Variants in TSHZ2 observed in about 807,000 individuals in gnomAD.
TSHZ2 encodes teashirt homolog 2.
In TSHZ2, 21 loss-of-function variants were observed where a neutral mutation model predicts 74.4. The observed-to-expected ratio is 0.28, with a 90% CI of 0.20 to 0.41. The LOEUF (loss-of-function observed/expected upper bound fraction) is 0.41, where lower values mean the gene tolerates loss of function less well. TSHZ2 is among the 10% of genes least tolerant of loss of function. The pLI is 1.00. For missense variants in TSHZ2, 1,244 were observed against 1,293.5 expected, an observed-to-expected ratio of 0.96 and a Z score of 0.59; for synonymous variants, 540 against 515.3, an observed-to-expected ratio of 1.05 and a Z score of -0.65.
chr20:53,050,103 G>GTATATATATATATATATATATATA (rs71897861), intron 1 of TSHZ2, among the ~76,000 whole-genome samples: 57 of 115,968 alleles, frequency 4.9e-4, no homozygotes, highest in African/African-American at 1.5e-3. Context: ...GTATATGTGT[G>GTATATATATATATATATATATATA]TATATATATA....
In TSHZ2 at chr20:53,488,578, C is replaced by A; in HGVS notation, c.*1443C>A. 1 of 172,868 alleles carries A rather than the reference C, an allele frequency of 5.8e-6. No homozygotes were observed. The highest frequency in any genetic ancestry group is 1.2e-5 in the Non-Finnish European group (1 of 81,050). 10.7% of individuals were successfully genotyped at this position (172,868 alleles called of 1,614,324 possible). A position where few individuals can be genotyped will look rare whatever the true frequency, so the allele number is the denominator to read the frequency against. On this transcript the variant is annotated 3_prime_UTR_variant, in exon 3 of 3. Transcript: ENST00000371497. Reference sequence around the variant, plus strand: ...TTTCCTTATTCTCAAAGGACAAATACGTCTGGATTATGTGGTAAATTGCTA... The same window carrying A: ...TTTCCTTATTCTCAAAGGACAAATAAGTCTGGATTATGTGGTAAATTGCTA...
At chr20:53,171,754 CATTT>C (rs1257300658) in intron 1 of TSHZ2, among the ~76,000 whole-genome samples, 2 of 151,958 alleles carry the variant, frequency 1.3e-5, no homozygotes, top group Admixed American at 6.5e-5. Flanking sequence ...ATGTTTTTCT[CATTT>C]ATTTTCTGGT....
chr20:53,270,756 C>T (rs749225188), intron 2 of TSHZ2, among the ~76,000 whole-genome samples: 1 of 152,104 alleles, frequency 6.6e-6, no homozygotes, highest in Non-Finnish European at 1.5e-5. Context: ...ATTGACACTT[C>T]AAATGTGCAT....
intron 1 of TSHZ2, among the ~76,000 whole-genome samples, chr20:53,215,038 G>A (rs1989402590): frequency 6.6e-6 from 1 of 152,194 alleles, no homozygotes; most frequent in African/African-American, 2.4e-5. Context: ...GCACACCAGT[G>A]GGCGGGACCC....
At chr20:53,022,787 T>C (rs570791518) in intron 1 of TSHZ2, among the ~76,000 whole-genome samples, 8 of 152,318 alleles carry the variant, frequency 5.3e-5, no homozygotes, top group South Asian at 2.1e-4. Flanking sequence ...ACAGAACATA[T>C]GTGGTTGACT....
intron 2 of TSHZ2, among the ~76,000 whole-genome samples, chr20:53,391,177 T>C (rs894652524): frequency 1.3e-5 from 2 of 151,740 alleles, no homozygotes; most frequent in Non-Finnish European, 1.5e-5. Context: ...GACAGAGTCT[T>C]GCTCTGTCGC....
intron 2 of TSHZ2, chr20:53,397,592 G>A: frequency 6.6e-6 from 1 of 152,172 alleles, no homozygotes; most frequent in Non-Finnish European, 1.5e-5. Context: ...TCTAGAACTA[G>A]AAATACCATT....
At chr20:53,072,977 C>T (rs1985226563) in intron 1 of TSHZ2, among the ~76,000 whole-genome samples, 1 of 151,044 alleles carries the variant, frequency 6.6e-6, no homozygotes, top group African/African-American at 2.4e-5. Flanking sequence ...ATCCCTCCAT[C>T]CATCCCTCCC....
intron 1 of TSHZ2, among the ~76,000 whole-genome samples, chr20:53,038,879 T>G (rs201748377): frequency 1.0e-5 from 1 of 95,766 alleles, no homozygotes; most frequent in African/African-American, 4.9e-5. Context: ...TGTTTGTTTG[T>G]TTTGTTTTGT....
chr20:53,269,810 AAAG>A (rs1990796980), intron 2 of TSHZ2, among the ~76,000 whole-genome samples: 2 of 152,066 alleles, frequency 1.3e-5, no homozygotes, highest in South Asian at 4.1e-4. Context: ...AAAAAAAAGA[AAAG>A]AAAATCCATG....
At chr20:53,191,617 T>G (rs1165689303) in intron 1 of TSHZ2, among the ~76,000 whole-genome samples, 1 of 152,224 alleles carries the variant, frequency 6.6e-6, no homozygotes, top group African/African-American at 2.4e-5. Context: ...GAGCTGGGAT[T>G]GCACCACTGC....
chr20:53,289,412 G>A (rs1288217578), intron 2 of TSHZ2, among the ~76,000 whole-genome samples: 2 of 152,152 alleles, frequency 1.3e-5, no homozygotes, highest in East Asian at 3.8e-4. Flanking sequence ...TAGAAGTTGT[G>A]CTAGTTTACA....
intron 2 of TSHZ2, among the ~76,000 whole-genome samples, chr20:53,306,694 T>C (rs980435132): frequency 1.3e-5 from 2 of 152,222 alleles, no homozygotes; most frequent in African/African-American, 4.8e-5. Flanking sequence ...TTAAACAGTT[T>C]GAAGGCACGC....
intron 2 of TSHZ2, among the ~76,000 whole-genome samples, chr20:53,359,746 A>G (rs947171211): frequency 6.6e-6 from 1 of 152,208 alleles, no homozygotes; most frequent in Non-Finnish European, 1.5e-5. Flanking sequence ...ATGGCTAGAC[A>G]AAAGAGGGAA....
intron 2 of TSHZ2, among the ~76,000 whole-genome samples, chr20:53,357,817 C>T (rs1255475675): frequency 6.6e-6 from 1 of 152,196 alleles, no homozygotes; most frequent in Non-Finnish European, 1.5e-5. Flanking sequence ...ATATTTGTGC[C>T]TCCTGGGGCT....
At chr20:52,981,987 C>G (rs1053514926) in intron 1 of TSHZ2, among the ~76,000 whole-genome samples, 5 of 151,824 alleles carry the variant, frequency 3.3e-5, no homozygotes, top group Admixed American at 1.3e-4. Flanking sequence ...AGAGAATATA[C>G]AAAGAAATTT....
intron 2 of TSHZ2, among the ~76,000 whole-genome samples, chr20:53,456,114 T>C (rs906589349): frequency 2.2e-4 from 33 of 151,936 alleles, no homozygotes; most frequent in Admixed American, 1.3e-4. Context: ...TTTCTAGTTC[T>C]AGATCCCTGA....
At chr20:53,022,248 T>C (rs1361200800) in intron 1 of TSHZ2, among the ~76,000 whole-genome samples, 1 of 152,234 alleles carries the variant, frequency 6.6e-6, no homozygotes, top group African/African-American at 2.4e-5. Flanking sequence ...GAGAAATTTA[T>C]CGTGGAGTCC....
chr20:53,328,999 G>A (rs1979608600), intron 2 of TSHZ2, among the ~76,000 whole-genome samples: 2 of 152,128 alleles, frequency 1.3e-5, no homozygotes, highest in African/African-American at 2.4e-5. Flanking sequence ...TAAGCTTCAG[G>A]ACTTTAGCCA....
Sources: gnomAD v4.1 joint callset for allele counts (sites outside exome capture counted in the v4.1 genomes callset) on GRCh38, gnomAD v4.1.1 for gene constraint, MANE v1.5 for transcripts, NCBI Gene and HGNC (gene_info 2026-07-23, HGNC 2026-07-21) for gene names.